The following SLCO3A1 variants were observed in gnomAD, a reference collection of about 807,000 sequenced individuals.
SLCO3A1 encodes the protein solute carrier organic anion transporter family member 3A1, also known as PGE1 transporter.
In SLCO3A1, 27 loss-of-function variants were observed where a neutral mutation model predicts 63.1. The ratio of observed to expected loss-of-function variants is 0.43; its 90% CI spans 0.32 to 0.59. SLCO3A1 has a LOEUF of 0.59. SLCO3A1 is among the 20% of genes least tolerant of loss of function. The pLI is 0.09. For synonymous variants in SLCO3A1, 473 were observed against 409.9 expected, an observed-to-expected ratio of 1.15 and a Z score of -1.86; for missense variants, 773 against 945.8, an observed-to-expected ratio of 0.82 and a Z score of 2.40.
At chr15:91,969,841 C>A (rs1054278473) in intron 2 of SLCO3A1, among the ~76,000 whole-genome samples, 46 of 152,096 alleles carry the variant, frequency 3.0e-4, no homozygotes, top group African/African-American at 9.9e-4. Context: ...GGTCCACAGA[C>A]CTAGAATGAG....
chr15:92,052,494 G>T (rs1311797430), intron 2 of SLCO3A1, among the ~76,000 whole-genome samples: 1 of 152,182 alleles, frequency 6.6e-6, no homozygotes, highest in Admixed American at 6.5e-5. Context: ...TAGGGAAAGA[G>T]TTCTTTCTCA....
At chr15:91,951,712 G>A (rs375120233) in intron 2 of SLCO3A1, among the ~76,000 whole-genome samples, 25 of 151,842 alleles carry the variant, frequency 1.6e-4, no homozygotes, top group African/African-American at 5.3e-4. Flanking sequence ...GCACCACCAC[G>A]CCTGGCTTAT....
At chr15:91,879,380 T>C (rs1178318625) in intron 1 of SLCO3A1, among the ~76,000 whole-genome samples, 4 of 152,024 alleles carry the variant, frequency 2.6e-5, no homozygotes, top group Admixed American at 2.0e-4. Flanking sequence ...GTGATGTCAT[T>C]GGTGGGGGTG....
chr15:91,945,809 A>T (rs111664874), intron 2 of SLCO3A1, among the ~76,000 whole-genome samples: 25 of 152,212 alleles, frequency 1.6e-4, no homozygotes, highest in African/African-American at 6.0e-4. Flanking sequence ...ACTGAAGATA[A>T]CATGTCACCC....
intron 2 of SLCO3A1, among the ~76,000 whole-genome samples, chr15:92,036,822 C>A (rs1397054645): frequency 1.3e-5 from 2 of 152,138 alleles, no homozygotes; most frequent in Non-Finnish European, 1.5e-5. Context: ...TTTCCTTCAA[C>A]AGACCATTAG....
chr15:92,121,043 CTCCTCCCT>C (rs67366979), intron 5 of SLCO3A1, among the ~76,000 whole-genome samples: 1,694 of 152,274 alleles, frequency 0.011, 22 homozygotes, highest in Non-Finnish European at 0.016. Context: ...ACACTCCCTA[CTCCTCCCT>C]GTGCCCACAA....
At chr15:91,895,366 G>C (rs1384149902) in intron 1 of SLCO3A1, among the ~76,000 whole-genome samples, 3 of 152,180 alleles carry the variant, frequency 2.0e-5, no homozygotes, top group Non-Finnish European at 4.4e-5. Flanking sequence ...CAATGAACCA[G>C]GAAAGGAAGT....
chr15:92,009,554 C>A (rs116297037), intron 2 of SLCO3A1, among the ~76,000 whole-genome samples: 204 of 152,308 alleles, frequency 1.3e-3, no homozygotes, highest in African/African-American at 4.8e-3. Context: ...CAGGCTTTGA[C>A]ACCATGGTGC....
intron 2 of SLCO3A1, among the ~76,000 whole-genome samples, chr15:92,030,052 A>G (rs1686084220): frequency 6.6e-6 from 1 of 152,154 alleles, no homozygotes; most frequent in South Asian, 2.1e-4. Flanking sequence ...AGGAGTCCCA[A>G]AGGGGATTGG....
chr15:92,071,531 T>C (rs2047216041), intron 2 of SLCO3A1, among the ~76,000 whole-genome samples: 1 of 152,226 alleles, frequency 6.6e-6, no homozygotes, highest in South Asian at 2.1e-4. Context: ...CATTTGAAGC[T>C]AAGTGTCACC....
At chr15:92,110,527 C>T (rs912647888) in intron 4 of SLCO3A1, among the ~76,000 whole-genome samples, 1 of 152,200 alleles carries the variant, frequency 6.6e-6, no homozygotes, top group African/African-American at 2.4e-5. Flanking sequence ...CCCCAGGCTC[C>T]TTTCCTCCTA....
rs114145048 is a variant in SLCO3A1, at chr15:91,863,558, G to A, written c.180+9470G>A. ...CATAAGCAGCATGTATTCCAGTGTG[G>A]CACATCACACCATCCTCTTCTTGAA... On this transcript the variant is annotated intron_variant, in intron 1 of 9. Transcript: ENST00000318445. The surrounding 1 kb of genome is among the most constrained non-coding windows in gnomAD (Gnocchi z 4.3). 0.019 allele frequency among the ~76,000 whole-genome samples: 2,842 copies of A among 152,322 alleles called. 72 individuals are homozygous for A. Among genetic ancestry groups the A allele is most frequent in the East Asian group, 0.063 (325 of 5,176 alleles).
At chr15:91,881,157 GC>G (rs1330357460) in intron 1 of SLCO3A1, among the ~76,000 whole-genome samples, 2 of 152,200 alleles carry the variant, frequency 1.3e-5, no homozygotes, top group African/African-American at 4.8e-5. Flanking sequence ...AATACAAGCA[GC>G]TTGGCCAGCT....
intron 2 of SLCO3A1, among the ~76,000 whole-genome samples, chr15:91,982,967 C>G (rs2046006294): frequency 6.6e-6 from 1 of 152,232 alleles, no homozygotes; most frequent in African/African-American, 2.4e-5. Context: ...GGAGTCTGTC[C>G]CTTTACGGAA....
intron 1 of SLCO3A1, among the ~76,000 whole-genome samples, chr15:91,871,802 A>T (rs1375585972): frequency 4.4e-3 from 38 of 8,658 alleles, no homozygotes; most frequent in East Asian, 8.8e-3. Flanking sequence ...TAAGTGTTTT[A>T]TTTCAGGTTT....
chr15:92,061,059 T>G (rs1048277991), intron 2 of SLCO3A1, among the ~76,000 whole-genome samples: 1 of 152,224 alleles, frequency 6.6e-6, no homozygotes, highest in Non-Finnish European at 1.5e-5. Context: ...TGTCTCATAT[T>G]TTGACATCCA....
At chr15:92,151,925 C>T (rs1232095763) in intron 9 of SLCO3A1, among the ~76,000 whole-genome samples, 2 of 152,244 alleles carry the variant, frequency 1.3e-5, no homozygotes, top group Non-Finnish European at 2.9e-5. Context: ...GGCAGCAACC[C>T]AAAAGCCCAA....
intron 5 of SLCO3A1, among the ~76,000 whole-genome samples, chr15:92,124,242 C>A (rs1012190179): frequency 1.3e-5 from 2 of 152,150 alleles, no homozygotes; most frequent in Non-Finnish European, 2.9e-5. Flanking sequence ...AAAAAGGACT[C>A]AATCTGCATA....
At chr15:91,997,253 AG>A (rs2046202295) in intron 2 of SLCO3A1, among the ~76,000 whole-genome samples, 1 of 152,360 alleles carries the variant, frequency 6.6e-6, no homozygotes, top group African/African-American at 2.4e-5. Flanking sequence ...CATTTACAAT[AG>A]CTACATCCAC....
Sources: gnomAD v4.1 joint callset for allele counts (sites outside exome capture counted in the v4.1 genomes callset) on GRCh38, gnomAD v4.1.1 for gene constraint, Gnocchi (gnomAD v3.1) non-coding constraint, MANE v1.5 for transcripts, NCBI Gene and HGNC (gene_info 2026-07-23, HGNC 2026-07-21) for gene names.